NRG3: variants seen among roughly 807,000 people sequenced by gnomAD.
NRG3 encodes the protein neuregulin 3.
A neutral mutation model predicts 66.9 loss-of-function variants in NRG3; 31 were observed. The ratio of observed to expected loss-of-function variants is 0.46; its 90% confidence interval spans 0.35 to 0.63. The LOEUF (loss-of-function observed/expected upper bound fraction) is 0.63. NRG3 is among the 20% of genes least tolerant of loss of function. The pLI, the probability that NRG3 is intolerant of heterozygous loss-of-function variation, is 0.00. For missense variants in NRG3, 910 were observed against 878.9 expected (o/e 1.04, Z -0.45); for synonymous variants, 393 against 359.4 (o/e 1.09, Z -1.06).
At position 82,987,094 on chromosome 10, in the gene NRG3, A is replaced by T. The variant is rs563563158; in HGVS notation, c.*1489A>T. ...GACATATGAGGAAATTAGTGTTCAC[A>T]TATCCAGTCTTTTTCCAATTATTGG... On this transcript the variant is annotated 3_prime_UTR_variant, in exon 9 of 9. Coordinates refer to ENST00000372141, the MANE Select transcript of NRG3 (RefSeq NM_001010848.4). 4 of 152,318 alleles carry T rather than the reference A, an allele frequency of 2.6e-5. No homozygotes were observed. Among genetic ancestry groups the T allele is most frequent in the South Asian group, 4.1e-4 (2 of 4,828 alleles). The allele number at this position is 152,318 out of a possible 1,614,324, so 9.4% of individuals were successfully genotyped here.
At chr10:81,915,972 AAAG>A (rs1845669765) in intron 1 of NRG3, among the ~76,000 whole-genome samples, 1 of 152,210 alleles carries the variant, frequency 6.6e-6, no homozygotes, top group African/African-American at 2.4e-5. Context: ...AAAAAAGTAA[AAAG>A]AAATAGACAA....
At chr10:82,572,152 A>G (rs1234706519) in intron 2 of NRG3, among the ~76,000 whole-genome samples, 1 of 151,742 alleles carries the variant, frequency 6.6e-6, no homozygotes, top group East Asian at 1.9e-4. Context: ...AGTGAATTCT[A>G]TACTTGAACA....
At chr10:82,735,125 T>C (rs918285804) in intron 2 of NRG3, among the ~76,000 whole-genome samples, 1 of 152,322 alleles carries the variant, frequency 6.6e-6, no homozygotes, top group East Asian at 1.9e-4. Flanking sequence ...AAAGTAGATG[T>C]ACACTTAGAG....
chr10:82,247,531 CATA>C (rs779683431), intron 1 of NRG3, among the ~76,000 whole-genome samples: 6 of 152,104 alleles, frequency 3.9e-5, no homozygotes, highest in Non-Finnish European at 8.8e-5. Flanking sequence ...GGAATTTCAA[CATA>C]TGGGTTTGGA....
At chr10:82,212,301 C>T (rs1426177602) in intron 1 of NRG3, among the ~76,000 whole-genome samples, 2 of 152,286 alleles carry the variant, frequency 1.3e-5, no homozygotes, top group Middle Eastern at 3.4e-3. Flanking sequence ...CCAGTTACAT[C>T]ATCTATTGAA....
chr10:82,806,969 A>G (rs756222653), intron 3 of NRG3, among the ~76,000 whole-genome samples: 3 of 152,198 alleles, frequency 2.0e-5, no homozygotes, highest in African/African-American at 7.2e-5. Flanking sequence ...GACTCACACT[A>G]TATTTTATTT....
intron 1 of NRG3, among the ~76,000 whole-genome samples, chr10:82,235,495 T>C (rs2076709082): frequency 6.6e-6 from 1 of 152,204 alleles, no homozygotes; most frequent in Non-Finnish European, 1.5e-5. Context: ...TCAGACTCTA[T>C]TATGTTCCAG....
chr10:82,648,825 G>A lies in NRG3; in HGVS notation c.954-89752G>A, dbSNP rs193125980. On this transcript the variant is annotated intron_variant, in intron 2 of 8. Transcript: ENST00000372141. ...CTCTGTTTGTCTGTTACTGGTGTAT[G>A]AGAATGCTTGTGATTTTTGTACATT... is the stretch of plus-strand genomic sequence containing the variant. 2.6e-3 allele frequency among the ~76,000 whole-genome samples: 391 copies of A among 152,236 alleles called. 1 individual carries two copies. Among genetic ancestry groups the A allele is most frequent in the Non-Finnish European group, 4.2e-3 (288 of 68,022 alleles).
intron 1 of NRG3, among the ~76,000 whole-genome samples, chr10:82,140,743 T>G (rs2069714170): frequency 1.3e-5 from 2 of 151,808 alleles, no homozygotes; most frequent in South Asian, 2.1e-4. Context: ...AAAATAAAAA[T>G]AAAAAGTAAA....
chr10:82,000,636 C>T (rs1243073750), intron 1 of NRG3, among the ~76,000 whole-genome samples: 1 of 152,170 alleles, frequency 6.6e-6, no homozygotes, highest in African/African-American at 2.4e-5. Context: ...ATCTTCCTGG[C>T]TTCAGCCTGT....
chr10:82,085,999 A>G (rs2065702103), intron 1 of NRG3, among the ~76,000 whole-genome samples: 1 of 152,112 alleles, frequency 6.6e-6, no homozygotes, highest in South Asian at 2.1e-4. Flanking sequence ...TTAAATATTC[A>G]ACAAATGACC....
rs117080915 is a variant in NRG3, at chr10:82,509,369, A to G, written c.953+150501A>G. On this transcript the variant is annotated intron_variant, in intron 2 of 8. Coordinates refer to ENST00000372141, the MANE Select transcript of NRG3 (RefSeq NM_001010848.4). Reference sequence around the variant, plus strand: ...ACTTAGAGCATATTTTGAGAAAATTATTATGCAAAAAGTATCTAGGTCTAC... The same window carrying G: ...ACTTAGAGCATATTTTGAGAAAATTGTTATGCAAAAAGTATCTAGGTCTAC... Among the ~76,000 whole-genome samples, 604 of 152,326 alleles carry G rather than the reference A, an allele frequency of 4.0e-3. 4 individuals are homozygous for G. The highest frequency in any genetic ancestry group is 7.1e-3 in the Non-Finnish European group (483 of 68,034).
intron 3 of NRG3, among the ~76,000 whole-genome samples, chr10:82,848,709 T>A (rs866499510): frequency 2.6e-5 from 4 of 152,256 alleles, no homozygotes; most frequent in Middle Eastern, 3.4e-3. Context: ...GTAGTTCCCA[T>A]AATCCCCACA....
intron 1 of NRG3, among the ~76,000 whole-genome samples, chr10:82,224,057 A>G (rs1399887812): frequency 2.6e-5 from 4 of 152,216 alleles, no homozygotes; most frequent in African/African-American, 9.7e-5. Flanking sequence ...GGATGCCACC[A>G]TGTGAGAACA....
intron 8 of NRG3, among the ~76,000 whole-genome samples, chr10:82,983,274 C>T (rs989702195): frequency 5.3e-5 from 8 of 152,154 alleles, no homozygotes; most frequent in African/African-American, 9.7e-5. Context: ...GAGAGCGAAA[C>T]AAAAGCCTGA....
intron 2 of NRG3, among the ~76,000 whole-genome samples, chr10:82,514,254 T>G (rs1355860624): frequency 6.6e-6 from 1 of 152,196 alleles, no homozygotes; most frequent in Non-Finnish European, 1.5e-5. Context: ...TGTCATGAAG[T>G]CTTTGCCCAT....
intron 4 of NRG3, among the ~76,000 whole-genome samples, chr10:82,946,746 A>T (rs1011488165): frequency 6.6e-6 from 1 of 152,166 alleles, no homozygotes; most frequent in East Asian, 1.9e-4. Flanking sequence ...ATATACACAC[A>T]TATTCATTCA....
At position 82,865,334 on chromosome 10, in the gene NRG3, G is replaced by A. The variant is rs115447589; in HGVS notation, c.1028-77G>A. Reference sequence around the variant, plus strand: ...TTGGAGGGTTAGTCTTATGAGCACTGATTTCCATGTATAGAGCTTTTTCTA... The same window carrying A: ...TTGGAGGGTTAGTCTTATGAGCACTAATTTCCATGTATAGAGCTTTTTCTA... On this transcript the variant is annotated intron_variant, in intron 3 of 8. Coordinates refer to ENST00000372141, the MANE Select transcript of NRG3 (RefSeq NM_001010848.4). 502 of 1,490,180 alleles carry A rather than the reference G, an allele frequency of 3.4e-4. 2 individuals carry two copies. The African/African-American group carries it at 6.3e-3, about 19-fold the overall frequency. 92.3% of individuals were successfully genotyped at this position (1,490,180 alleles called of 1,614,324 possible).
intron 4 of NRG3, among the ~76,000 whole-genome samples, chr10:82,895,394 A>T (rs1843553786): frequency 6.6e-6 from 1 of 152,144 alleles, no homozygotes; most frequent in Admixed American, 6.5e-5. Flanking sequence ...ATCATAGAGA[A>T]GGCATAAACA....
Sources: allele counts gnomAD v4.1 joint callset (sites outside exome capture counted in the v4.1 genomes callset), GRCh38; gene constraint gnomAD v4.1.1; transcripts MANE v1.5; gene names NCBI Gene and HGNC (gene_info 2026-07-23, HGNC 2026-07-21).